Variants in TPPP2 observed in about 807,000 individuals in gnomAD.
The protein encoded by TPPP2 is tubulin polymerization promoting protein family member 2.
Under a neutral mutation model 13.0 loss-of-function variants are expected in TPPP2, and 8 were observed. The ratio of observed to expected loss-of-function variants is 0.62; its 90% confidence interval spans 0.36 to 1.11. TPPP2 has a LOEUF of 1.11. Ranked by LOEUF, TPPP2 falls within the 50% of genes most tolerant of loss-of-function variation. The probability of loss-of-function intolerance (pLI) is 0.02; values close to 1 mark genes in which losing one functional copy is unlikely to be tolerated. For synonymous variants in TPPP2, 81 were observed against 81.8 expected (o/e 0.99, Z 0.05); for missense variants, 213 against 216.9 (o/e 0.98, Z 0.11).
At position 21,032,080 on chromosome 14, in the gene TPPP2, A is replaced by G; in HGVS notation, c.*3A>G. The G allele has an allele frequency of 6.2e-7, 1 of 1,610,552 alleles. No homozygotes were observed. Among genetic ancestry groups the G allele is most frequent in the Non-Finnish European group, 8.5e-7 (1 of 1,176,964 alleles). Reference sequence around the variant, plus strand: ...CCTACGATAAGAAGACCAAGTAGAGAGGAGCTTCATCTCAGCCTGCTAGCC... The same window carrying G: ...CCTACGATAAGAAGACCAAGTAGAGGGGAGCTTCATCTCAGCCTGCTAGCC... On this transcript the variant is annotated 3_prime_UTR_variant, in exon 4 of 4. Coordinates refer to ENST00000321760, the MANE Select transcript of TPPP2 (RefSeq NM_173846.5).
downstream of TPPP2, chr14:21,033,712 C>G: frequency 1.2e-6 from 1 of 835,662 alleles, no homozygotes; most frequent in Non-Finnish European, 2.1e-6. Flanking sequence ...GGGAGGGGAC[C>G]CTGCCTGCCT....
downstream of TPPP2, chr14:21,033,648 C>G (rs1884402414): frequency 8.0e-6 from 5 of 622,382 alleles, no homozygotes; most frequent in Middle Eastern, 3.1e-4. Flanking sequence ...GAAGATAGCA[C>G]CACTTTGCAT....
At chr14:21,024,931 G>A (rs1883035350) in intron 1 of TPPP2, 1 of 985,458 alleles carries the variant, frequency 1.0e-6, no homozygotes, top group Non-Finnish European at 1.2e-6. Flanking sequence ...CCTTTCCCCC[G>A]AGCCTCCAGC....
In TPPP2 at chr14:21,032,180, T is replaced by G; in HGVS notation, c.*103T>G. Reference sequence around the variant, plus strand: ...CTGTGTGTGCAGCAGCCAAAATCTCTGTCTGTGAGGGACAGATGAGCCTAC... The same window carrying G: ...CTGTGTGTGCAGCAGCCAAAATCTCGGTCTGTGAGGGACAGATGAGCCTAC... On this transcript the variant is annotated 3_prime_UTR_variant, in exon 4 of 4. Transcript: ENST00000321760. 5.7e-6 allele frequency: 7 copies of G among 1,228,214 alleles called. No individual in the cohort carries two copies. The highest frequency in any genetic ancestry group is 8.3e-6 in the Non-Finnish European group (7 of 843,522). The allele number at this position is 1,228,214 out of a possible 1,614,324, so 76.1% of individuals were successfully genotyped here. A position where few individuals can be genotyped will look rare whatever the true frequency, so the allele number is the denominator to read the frequency against.
At chr14:21,035,503 A>G (rs1566491753), downstream of TPPP2, among the ~76,000 whole-genome samples, 2 of 152,300 alleles carry the variant, frequency 1.3e-5, no homozygotes, top group Middle Eastern at 3.4e-3. Context: ...TGACTTCCAC[A>G]GGTCACTCAG....
chr14:21,024,397 T>A (rs1251376364), intron 1 of TPPP2: 2 of 904,600 alleles, frequency 2.2e-6, no homozygotes, highest in African/African-American at 3.6e-5. Flanking sequence ...GCTCTGCCAC[T>A]CCCAGTGTGA....
At chr14:21,035,853 A>G (rs573438106), downstream of TPPP2, 142 of 455,996 alleles carry the variant, frequency 3.1e-4, 2 homozygotes, top group South Asian at 1.5e-3. Flanking sequence ...CACCTCCCCA[A>G]TCCCAGCTAC....
upstream of TPPP2, chr14:21,028,374 C>T (rs1368503051): frequency 2.0e-5 from 3 of 152,154 alleles, no homozygotes; most frequent in African/African-American, 7.2e-5. Context: ...ACTTCAGCCT[C>T]CTCAGTAGCT....
At chr14:21,035,912 C>T (rs951463295), downstream of TPPP2, 2 of 445,470 alleles carry the variant, frequency 4.5e-6, no homozygotes, top group African/African-American at 4.0e-5. Flanking sequence ...TTGAGTGAAA[C>T]AGACCAGGAA....
At chr14:21,029,474 C>A (rs943048560), upstream of TPPP2, among the ~76,000 whole-genome samples, 2 of 152,004 alleles carry the variant, frequency 1.3e-5, no homozygotes, top group African/African-American at 4.8e-5. Flanking sequence ...AGTGGCTGGG[C>A]TAATCCCAGC....
downstream of TPPP2, chr14:21,034,053 C>T (rs1884441324): frequency 6.2e-7 from 1 of 1,614,098 alleles, no homozygotes; most frequent in East Asian, 2.2e-5. Context: ...GATGGCCTTC[C>T]AAGGGGCATG....
rs946388133 is a variant in TPPP2, at chr14:21,025,084, G to T, written n.236+740G>T. 4.5e-5 allele frequency: 44 copies of T among 985,642 alleles called. No homozygotes were observed. The African/African-American group carries it at 6.1e-4, about 14-fold the overall frequency. The allele number at this position is 985,642 out of a possible 1,614,324, so 61.1% of individuals were successfully genotyped here. A position where few individuals can be genotyped will look rare whatever the true frequency, so the allele number is the denominator to read the frequency against. On this transcript the variant is annotated intron_variant and non_coding_transcript_variant, in intron 1 of 1. Coordinates refer to the TPPP2 transcript ENST00000533755. The surrounding 1 kb of genome is among the most constrained non-coding windows in gnomAD (Gnocchi z 5.1). ...CTTGCCTTTGACTCGGGCCCGCCCCGGCTCGGGCTTCCCGCAGACCCGCCC... is the reference window on the plus strand; with the variant it reads ...CTTGCCTTTGACTCGGGCCCGCCCCTGCTCGGGCTTCCCGCAGACCCGCCC...
upstream of TPPP2, among the ~76,000 whole-genome samples, chr14:21,027,378 A>C (rs999151304): frequency 3.3e-5 from 5 of 151,912 alleles, no homozygotes; most frequent in African/African-American, 1.2e-4. Context: ...TGAAATTCAA[A>C]GTGTGCATCT....
At chr14:21,025,537 G>C (rs553214458), upstream of TPPP2, 120 of 985,486 alleles carry the variant, frequency 1.2e-4, no homozygotes, top group Non-Finnish European at 1.4e-4. This position sits in a 1 kb window ranked among gnomAD's most constrained non-coding sequence, Gnocchi z 5.1. Flanking sequence ...ATTAAGAAAG[G>C]AGGAGGTGGG....
At chr14:21,029,555 C>T (rs1212190243), upstream of TPPP2, among the ~76,000 whole-genome samples, 1 of 152,196 alleles carries the variant, frequency 6.6e-6, no homozygotes, top group Non-Finnish European at 1.5e-5. Flanking sequence ...CAGGATCATG[C>T]CACTGCATTT....
Position 21,032,405 on chromosome 14 carries a change from C to A in TPPP2, c.*328C>A. On this transcript the variant is annotated 3_prime_UTR_variant, in exon 4 of 4. Transcript: ENST00000321760. ...GGTAAAAGTATCTACTACTTGTGTT[C>A]ACACATTACTGATATCCACCTCTCC... 1 of 452,294 alleles carries A rather than the reference C, an allele frequency of 2.2e-6. No homozygotes were observed. The highest frequency in any genetic ancestry group is 1.7e-5 in the South Asian group (1 of 59,026). The allele number at this position is 452,294 out of a possible 1,614,324, so 28.0% of individuals were successfully genotyped here.
At chr14:21,035,148 T>G (rs1169397728), downstream of TPPP2, among the ~76,000 whole-genome samples, 1 of 152,154 alleles carries the variant, frequency 6.6e-6, no homozygotes, top group Non-Finnish European at 1.5e-5. Context: ...GGGCTGAGAA[T>G]CAAAGACCTC....
chr14:21,028,236 G>T (rs1388085336), upstream of TPPP2, among the ~76,000 whole-genome samples: 1 of 142,452 alleles, frequency 7.0e-6, no homozygotes, highest in East Asian at 2.1e-4. Flanking sequence ...TGTTTCTTGG[G>T]GTTCTTTTTG....
At chr14:21,031,227 C>A in intron 3 of TPPP2, 62 bp downstream of exon 3, 1 of 1,565,162 alleles carries the variant, frequency 6.4e-7, no homozygotes. Flanking sequence ...TCCAGTCTAC[C>A]CTCCCTAACC....
Sources: allele counts gnomAD v4.1 joint callset (sites outside exome capture counted in the v4.1 genomes callset), GRCh38; gene constraint gnomAD v4.1.1; non-coding constraint Gnocchi (gnomAD v3.1); transcripts MANE v1.5; gene names NCBI Gene and HGNC (gene_info 2026-07-23, HGNC 2026-07-21).